Variants in CORO2B observed in about 807,000 individuals in gnomAD.
CORO2B encodes the protein coronin 2B.
CORO2B carries 26 observed loss-of-function variants against 58.8 expected under a neutral mutation model. The ratio of observed to expected loss-of-function variants is 0.44; its 90% CI spans 0.32 to 0.61. The LOEUF is 0.61. Among genes scored for constraint, CORO2B ranks in the 20% least tolerant of loss-of-function variants. The pLI, the probability that CORO2B is intolerant of heterozygous loss-of-function variation, is 0.04. For missense variants in CORO2B, 460 were observed against 645.1 expected, an observed-to-expected ratio of 0.71 and a Z score of 3.11; for synonymous variants, 242 against 253.8, an observed-to-expected ratio of 0.95 and a Z score of 0.44.
chr15:68,665,630 T>C (rs1395755560), intron 2 of CORO2B, among the ~76,000 whole-genome samples: 1 of 151,962 alleles, frequency 6.6e-6, no homozygotes, highest in Non-Finnish European at 1.5e-5. Context: ...TTGTGTCCTT[T>C]TGTGGTGTAT....
At chr15:68,638,963 G>T (rs1190047752) in intron 1 of CORO2B, among the ~76,000 whole-genome samples, 1 of 152,210 alleles carries the variant, frequency 6.6e-6, no homozygotes, top group Non-Finnish European at 1.5e-5. Flanking sequence ...CAGCAGTACT[G>T]GGTTCAGAGG....
At chr15:68,640,511 T>TAAAAAAA (rs10715792) in intron 1 of CORO2B, among the ~76,000 whole-genome samples, 1 of 146,218 alleles carries the variant, frequency 6.8e-6, no homozygotes, top group African/African-American at 2.5e-5. Flanking sequence ...CAATGCTATT[T>TAAAAAAA]AAAAAAAAAA....
chr15:68,604,065 T>C (rs1170483571), intron 1 of CORO2B, among the ~76,000 whole-genome samples: 1 of 152,142 alleles, frequency 6.6e-6, no homozygotes, highest in Non-Finnish European at 1.5e-5. Context: ...CATAGAAGCG[T>C]TGTGAGCACT....
chr15:68,572,448 G>A, the CORO2B span, among the ~76,000 whole-genome samples: 1 of 152,138 alleles, frequency 6.6e-6, no homozygotes, highest in Non-Finnish European at 1.5e-5. Flanking sequence ...TGGCTATGTT[G>A]TTCAGCTATG....
chr15:68,559,029 G>A, the CORO2B span, among the ~76,000 whole-genome samples: 1 of 152,126 alleles, frequency 6.6e-6, no homozygotes, highest in South Asian at 2.1e-4. The surrounding 1 kb of genome is among the most constrained non-coding windows in gnomAD (Gnocchi z 4.3). Flanking sequence ...CAGTAAATAT[G>A]TTCGGAGATC....
intron 1 of CORO2B, among the ~76,000 whole-genome samples, chr15:68,580,885 G>A (rs1483049165): frequency 2.0e-5 from 3 of 152,168 alleles, no homozygotes; most frequent in Admixed American, 1.3e-4. Context: ...GGCCTGCAAG[G>A]AAGGTGTGTT....
At chr15:68,626,018 G>T (rs1900671335) in intron 1 of CORO2B, among the ~76,000 whole-genome samples, 1 of 152,084 alleles carries the variant, frequency 6.6e-6, no homozygotes, top group Non-Finnish European at 1.5e-5. Flanking sequence ...TTCTTCCTGG[G>T]GTAATTTAAT....
chr15:68,628,581 A>G (rs943749994), intron 1 of CORO2B, among the ~76,000 whole-genome samples: 11 of 152,258 alleles, frequency 7.2e-5, no homozygotes, highest in African/African-American at 1.9e-4. Context: ...AGCTACATGT[A>G]TTAAGCCCAT....
chr15:68,577,817 G>A (rs1164507509), upstream of CORO2B, among the ~76,000 whole-genome samples: 3 of 151,670 alleles, frequency 2.0e-5, no homozygotes. Flanking sequence ...TCTAGACACT[G>A]GTCTCCCGGA....
At chr15:68,712,314 G>A (rs927617551) in intron 5 of CORO2B, among the ~76,000 whole-genome samples, 4 of 152,112 alleles carry the variant, frequency 2.6e-5, no homozygotes, top group African/African-American at 9.7e-5. Flanking sequence ...TGCTTGATCT[G>A]GGTGTGTTTA....
At position 68,707,115 on chromosome 15, in the gene CORO2B, C is replaced by G. The variant is rs150802207; in HGVS notation, c.334-3617C>G. ...AGCTGGGATTACAAGCGCGCGCCAC[C>G]ACGCCCAGCTGCCGCCTAGGCTTCT... On this transcript the variant is annotated intron_variant, in intron 3 of 11. Coordinates refer to ENST00000261861, the MANE Select transcript of CORO2B (RefSeq NM_006091.5). Among the ~76,000 whole-genome samples the G allele has an allele frequency of 5.2e-3, 799 of 152,306 alleles. 11 individuals are homozygous for G. Among genetic ancestry groups the G allele is most frequent in the African/African-American group, 0.018 (757 of 41,554 alleles).
At chr15:68,617,900 G>A (rs1299317273) in intron 1 of CORO2B, among the ~76,000 whole-genome samples, 1 of 152,094 alleles carries the variant, frequency 6.6e-6, no homozygotes, top group African/African-American at 2.4e-5. Flanking sequence ...TTAGGCTACT[G>A]GAATGCCCTA....
chr15:68,725,964 A>G lies in CORO2B; in HGVS notation c.1433A>G (p.Lys478Arg), dbSNP rs1408427462. ...LELKNLRNSP[K>R]NC is the part of the protein sequence containing the mutation. The stretch of plus-strand genomic sequence containing the variant: ...CTGAAAAACTTGCGCAACAGCCCCA[A>G]GAACTGTTAGCTCCCCAGCTGGGCT... The change falls in exon 12 of 12, where the codon AAG becomes AGG. Residue 478 changes from lysine to arginine, a missense_variant. Transcript: ENST00000261861. 8 of 1,613,720 alleles carry G rather than the reference A, an allele frequency of 5.0e-6. No individual in the cohort carries two copies. Among genetic ancestry groups the G allele is most frequent in the Non-Finnish European group, 6.8e-6 (8 of 1,180,026 alleles).
intron 2 of CORO2B, among the ~76,000 whole-genome samples, chr15:68,674,848 C>T (rs933069178): frequency 1.3e-5 from 2 of 152,162 alleles, no homozygotes; most frequent in Non-Finnish European, 2.9e-5. Flanking sequence ...ATTCTCAAAG[C>T]TTATTCAGAA....
intron 1 of CORO2B, among the ~76,000 whole-genome samples, chr15:68,619,758 T>C (rs1238383605): frequency 6.6e-6 from 1 of 152,088 alleles, no homozygotes; most frequent in East Asian, 1.9e-4. Context: ...TGCATGCGTG[T>C]GTGTGTGTGC....
chr15:68,535,585 T>C, the CORO2B span, among the ~76,000 whole-genome samples: 449 of 152,276 alleles, frequency 2.9e-3, 1 homozygote, highest in African/African-American at 0.01. Context: ...GCTCCTCCTG[T>C]CTCTCGTAGG....
chr15:68,549,376 T>G, the CORO2B span, among the ~76,000 whole-genome samples: 3 of 2,016 alleles, frequency 1.5e-3, no homozygotes, highest in African/African-American at 1.8e-3. Flanking sequence ...TGTTTGGGGT[T>G]TTTTTTTAAT....
chr15:68,716,090 G>A (rs1893026328), intron 8 of CORO2B, among the ~76,000 whole-genome samples: 2 of 152,192 alleles, frequency 1.3e-5, no homozygotes. Flanking sequence ...AAGGGCCTGA[G>A]AGCCCACTCC....
chr15:68,611,600 T>C (rs1237452434), intron 1 of CORO2B, among the ~76,000 whole-genome samples: 1 of 152,190 alleles, frequency 6.6e-6, no homozygotes, highest in African/African-American at 2.4e-5. Flanking sequence ...TTTTCCTAGA[T>C]GGATGTAAAA....
Sources: gnomAD v4.1 joint callset for allele counts (sites outside exome capture counted in the v4.1 genomes callset) on GRCh38, gnomAD v4.1.1 for gene constraint, Gnocchi (gnomAD v3.1) non-coding constraint, MANE v1.5 for transcripts, NCBI Gene and HGNC (gene_info 2026-07-23, HGNC 2026-07-21) for gene names.